DDX4: variants seen among roughly 807,000 people sequenced by gnomAD.
DDX4 encodes the protein probable ATP-dependent RNA helicase DDX4.
A neutral mutation model predicts 100.0 loss-of-function variants in DDX4; 25 were observed. That is an observed-to-expected ratio of 0.25 (90% CI 0.18 to 0.35). The LOEUF (loss-of-function observed/expected upper bound fraction) is 0.35, where lower values mean the gene tolerates loss of function less well. DDX4 is among the 10% of genes least tolerant of loss of function. The pLI, the probability that DDX4 is intolerant of heterozygous loss-of-function variation, is 1.00. For synonymous variants in DDX4, 259 were observed against 275.7 expected, an observed-to-expected ratio of 0.94 and a Z score of 0.60; for missense variants, 635 against 882.4, an observed-to-expected ratio of 0.72 and a Z score of 3.55.
chr5:55,769,869 CTTT>C (rs113402904), intron 7 of DDX4, among the ~76,000 whole-genome samples: 2 of 141,414 alleles, frequency 1.4e-5, no homozygotes, highest in Non-Finnish European at 1.6e-5. Flanking sequence ...CCTTCTTTTA[CTTT>C]TTTTTTTTTT....
intron 10 of DDX4, among the ~76,000 whole-genome samples, chr5:55,784,686 G>A (rs1276493476): frequency 1.3e-5 from 2 of 151,970 alleles, no homozygotes; most frequent in East Asian, 3.8e-4. Context: ...CAGGCAGAAG[G>A]TGAGTACATT....
At chr5:55,738,886 C>T in intron 1 of DDX4, 64 bp from the exon 2 acceptor site, 2 of 943,780 alleles carry the variant, frequency 2.1e-6, no homozygotes, top group Non-Finnish European at 3.4e-6. Context: ...TGAGTTTATG[C>T]TTTTAAAGTT....
At chr5:55,807,817 C>T (rs1245602715) in intron 18 of DDX4, among the ~76,000 whole-genome samples, 2 of 152,120 alleles carry the variant, frequency 1.3e-5, no homozygotes, top group African/African-American at 2.4e-5. Flanking sequence ...TTGCTCTTCT[C>T]GAGGAGTATC....
chr5:55,769,025 G>A (rs1433257634), intron 7 of DDX4, among the ~76,000 whole-genome samples: 3 of 152,066 alleles, frequency 2.0e-5, no homozygotes, highest in Admixed American at 6.6e-5. Context: ...TTAGGCCTTC[G>A]TCGGATGCAT....
intron 6 of DDX4, 101 bp downstream of exon 6, chr5:55,764,165 A>G (rs994034673): frequency 1.2e-6 from 1 of 851,206 alleles, no homozygotes; most frequent in Non-Finnish European, 1.9e-6. Flanking sequence ...ATTCTAACTT[A>G]TTTAAACCAG....
rs1006050890 is a variant in DDX4, at chr5:55,755,742, T to C, written c.128-4458T>C. Among the ~76,000 whole-genome samples, 5 of 152,050 alleles carry C rather than the reference T, an allele frequency of 3.3e-5. 1 individual carries two copies. Among genetic ancestry groups the C allele is most frequent in the African/African-American group, 7.2e-5 (3 of 41,420 alleles). On this transcript the variant is annotated intron_variant, in intron 3 of 21. Transcript: ENST00000505374. The stretch of plus-strand genomic sequence containing the variant: ...TTTTTTTTTAAACTTTATTGAAGCA[T>C]AATGTACACATAGATTCAATATGTA...
chr5:55,751,821 CTTGAT>C (rs1275997296), intron 3 of DDX4, among the ~76,000 whole-genome samples: 1 of 152,076 alleles, frequency 6.6e-6, no homozygotes, highest in Non-Finnish European at 1.5e-5. Flanking sequence ...TTTTTTGCTT[CTTGAT>C]TTGATTTTGT....
intron 3 of DDX4, among the ~76,000 whole-genome samples, chr5:55,757,188 T>C (rs547137425): frequency 1.3e-5 from 2 of 152,232 alleles, no homozygotes; most frequent in Middle Eastern, 3.4e-3. Flanking sequence ...TAGTGGAGAT[T>C]CGTGAGATTT....
rs774212584 is a variant in DDX4, at chr5:55,780,007, A to T, written c.438A>T (p.Arg146Ser). 1 of 1,614,008 alleles carries T rather than the reference A, an allele frequency of 6.2e-7. No individual in the cohort carries two copies. ...GNNSEASGPY[R>S]RGGRGSFRGC... ...ATTCAGAAGCTTCAGGGCCATACAG[A>T]AGAGGTGGAAGAGGTAGTTTCCGAG... Residue 146 changes from arginine to serine, a missense_variant, in exon 8 of 22, where the codon AGA (arginine) becomes AGT (serine). Physicochemically the swap from Arg to Ser is moderately radical, Grantham distance 110. Transcript: ENST00000505374.
chr5:55,768,416 A>G (rs947180114), intron 7 of DDX4, among the ~76,000 whole-genome samples: 4 of 152,150 alleles, frequency 2.6e-5, no homozygotes, highest in African/African-American at 7.2e-5. Flanking sequence ...GTTTGCTTAG[A>G]ATAATGGAGC....
Position 55,816,721 on chromosome 5 carries a change from A to G in DDX4, c.*181A>G. 1 of 1,034,688 alleles carries G rather than the reference A, an allele frequency of 9.7e-7. No homozygotes were observed. Among genetic ancestry groups the G allele is most frequent in the Non-Finnish European group, 1.3e-6 (1 of 751,110 alleles). The allele number at this position is 1,034,688 out of a possible 1,614,324, so 64.1% of individuals were successfully genotyped here. On this transcript the variant is annotated 3_prime_UTR_variant, in exon 22 of 22. Transcript: ENST00000505374. Reference sequence around the variant, plus strand: ...TATGTGAGATGCTAAAACTTACAACATTGCAGTTACTGATACAAATGGTGT... The same window carrying G: ...TATGTGAGATGCTAAAACTTACAACGTTGCAGTTACTGATACAAATGGTGT...
chr5:55,742,470 A>G (rs905257258), intron 2 of DDX4, among the ~76,000 whole-genome samples: 5 of 152,252 alleles, frequency 3.3e-5, no homozygotes, highest in African/African-American at 7.2e-5. Context: ...AGCAGTAGCA[A>G]TGTTAGCAAT....
intron 8 of DDX4, 89 bp from the exon 9 acceptor site, chr5:55,780,977 A>G (rs1741877638): frequency 8.7e-7 from 1 of 1,151,492 alleles, no homozygotes; most frequent in Non-Finnish European, 1.2e-6. Flanking sequence ...TTAACTTCTG[A>G]TACCATAACT....
rs999432737 is a variant in DDX4, at chr5:55,768,491, C to T, written c.394+551C>T. On this transcript the variant is annotated intron_variant, in intron 7 of 21. Coordinates refer to ENST00000505374, the MANE Select transcript of DDX4 (RefSeq NM_024415.3). The stretch of plus-strand genomic sequence containing the variant: ...TTTATGGCTGCCTAGTATTCCATGG[C>T]GCATATATACCACATTACCTTTGTC... 4.6e-5 allele frequency among the ~76,000 whole-genome samples: 7 copies of T among 152,148 alleles called. No individual in the cohort carries two copies. The East Asian group carries it at 5.8e-4, about 13-fold the overall frequency.
chr5:55,756,224 C>T (rs1366580496), intron 3 of DDX4, among the ~76,000 whole-genome samples: 1 of 152,122 alleles, frequency 6.6e-6, no homozygotes, highest in Non-Finnish European at 1.5e-5. Context: ...ATTGGCAGAA[C>T]AGTAGCATTG....
At chr5:55,802,634 T>G (rs1204820484) in intron 18 of DDX4, among the ~76,000 whole-genome samples, 3 of 152,236 alleles carry the variant, frequency 2.0e-5, no homozygotes, top group African/African-American at 7.2e-5. Flanking sequence ...GACTCTATTC[T>G]TTGAAGTATT....
In DDX4 at chr5:55,781,151, G is replaced by T. The variant is rs61755359; in HGVS notation, c.577+5G>T. ...GACCAGTATTAAGTGGCACAGGTGA[G>T]AAATAGAACTTATTACTGAATATTA... On this transcript the variant is annotated splice_donor_5th_base_variant and intron_variant, in intron 9 of 21. Coordinates refer to ENST00000505374, the MANE Select transcript of DDX4 (RefSeq NM_024415.3). 1,951 of 1,603,908 alleles carry T rather than the reference G, an allele frequency of 1.2e-3. 2 individuals carry two copies. Among genetic ancestry groups the T allele is most frequent in the Non-Finnish European group, 1.6e-3 (1,865 of 1,175,378 alleles).
chr5:55,779,006 G>A (rs1741743437), intron 7 of DDX4, among the ~76,000 whole-genome samples: 1 of 152,126 alleles, frequency 6.6e-6, no homozygotes, highest in African/African-American at 2.4e-5. Flanking sequence ...TAAGAGCAAG[G>A]AAATGAAAAA....
chr5:55,782,526 A>G (rs1169034741), intron 10 of DDX4, among the ~76,000 whole-genome samples: 1 of 151,472 alleles, frequency 6.6e-6, no homozygotes, highest in Non-Finnish European at 1.5e-5. Flanking sequence ...TGAATCCGGG[A>G]GGCGGAGGTT....
Sources: gnomAD v4.1 joint callset for allele counts (sites outside exome capture counted in the v4.1 genomes callset) on GRCh38, gnomAD v4.1.1 for gene constraint, MANE v1.5 for transcripts, NCBI Gene and HGNC (gene_info 2026-07-23, HGNC 2026-07-21) for gene names.